Variants in GPHN observed in about 807,000 individuals in gnomAD.
GPHN encodes the protein gephyrin.
A neutral mutation model predicts 95.5 loss-of-function variants in GPHN; 17 were observed. That is an observed-to-expected ratio of 0.18 (90% CI 0.12 to 0.27). The LOEUF (loss-of-function observed/expected upper bound fraction) is 0.27, where lower values mean the gene tolerates loss of function less well. Ranked by LOEUF, GPHN falls within the 10% of genes least tolerant of loss-of-function variation. GPHN has a pLI of 1.00. For missense variants in GPHN, 660 were observed against 978.1 expected, an observed-to-expected ratio of 0.67 and a Z score of 4.34; for synonymous variants, 320 against 322.5, an observed-to-expected ratio of 0.99 and a Z score of 0.08.
intron 4 of GPHN, among the ~76,000 whole-genome samples, chr14:66,826,727 A>T (rs1312497956): frequency 6.6e-6 from 1 of 152,186 alleles, no homozygotes; most frequent in East Asian, 1.9e-4. Flanking sequence ...GGCAAGGTAT[A>T]GGGGCAAGGA....
the GPHN span, among the ~76,000 whole-genome samples, chr14:67,407,454 T>C: frequency 5.9e-5 from 9 of 151,486 alleles, no homozygotes; most frequent in East Asian, 1.8e-3. Flanking sequence ...AAAAAAAATG[T>C]TTTTGAGGCA....
intron 21 of GPHN, among the ~76,000 whole-genome samples, chr14:67,173,742 A>G (rs1398648749): frequency 6.6e-6 from 1 of 152,232 alleles, no homozygotes; most frequent in Non-Finnish European, 1.5e-5. Flanking sequence ...TGGAAAATAA[A>G]TGCAAAGTAA....
At chr14:67,420,718 C>T in the GPHN span, among the ~76,000 whole-genome samples, 1 of 152,264 alleles carries the variant, frequency 6.6e-6, no homozygotes, top group African/African-American at 2.4e-5. Flanking sequence ...TTCTGACCAC[C>T]TGTGGGGCAC....
At chr14:67,734,153 G>A in the GPHN span, 1 of 332,992 alleles carries the variant, frequency 3.0e-6, no homozygotes, top group Non-Finnish European at 5.9e-6. Context: ...AAGAGCCCGA[G>A]AAATTGGGTC....
At chr14:66,707,913 C>T (rs911801709) in intron 2 of GPHN, among the ~76,000 whole-genome samples, 1 of 152,096 alleles carries the variant, frequency 6.6e-6, no homozygotes, top group African/African-American at 2.4e-5. Context: ...AAACATTTAT[C>T]ATTTCTGTGT....
chr14:67,159,856 C>G (rs1285105801), intron 19 of GPHN, among the ~76,000 whole-genome samples: 3 of 152,098 alleles, frequency 2.0e-5, no homozygotes, highest in Non-Finnish European at 4.4e-5. Context: ...AACGAACCCC[C>G]ACCCCACCCT....
At chr14:67,596,093 T>C in the GPHN span, among the ~76,000 whole-genome samples, 5 of 152,136 alleles carry the variant, frequency 3.3e-5, no homozygotes, top group African/African-American at 1.2e-4. Flanking sequence ...TGTGTTTCTT[T>C]CATGTGGCAT....
chr14:66,826,653 T>C (rs1313057379), intron 4 of GPHN, among the ~76,000 whole-genome samples: 2 of 152,284 alleles, frequency 1.3e-5, no homozygotes, highest in Middle Eastern at 6.8e-3. Context: ...AACACTTTAC[T>C]TATGCTTACC....
At chr14:66,712,156 G>A (rs2069701079) in intron 2 of GPHN, among the ~76,000 whole-genome samples, 1 of 152,112 alleles carries the variant, frequency 6.6e-6, no homozygotes, top group Non-Finnish European at 1.5e-5. Flanking sequence ...GATCCTTGAG[G>A]AATCGCCACA....
intron 9 of GPHN, among the ~76,000 whole-genome samples, chr14:66,991,215 T>G (rs1236680475): frequency 6.6e-6 from 1 of 152,138 alleles, no homozygotes; most frequent in East Asian, 1.9e-4. Flanking sequence ...TTTTGAACTT[T>G]AAGTGCGTTT....
the GPHN span, among the ~76,000 whole-genome samples, chr14:67,195,434 A>T: frequency 6.6e-6 from 1 of 152,146 alleles, no homozygotes; most frequent in African/African-American, 2.4e-5. Flanking sequence ...AAATGACAGC[A>T]GTGGAAAGGG....
At chr14:67,656,620 C>G in the GPHN span, 1 of 1,576,522 alleles carries the variant, frequency 6.3e-7, no homozygotes, top group Non-Finnish European at 8.6e-7. Context: ...AAATGTTAGA[C>G]TTTTTCCATT....
the GPHN span, among the ~76,000 whole-genome samples, chr14:67,443,568 A>G: frequency 6.6e-6 from 1 of 152,012 alleles, no homozygotes; most frequent in African/African-American, 2.4e-5. Context: ...GGCATAGGAT[A>G]GACATTTAGG....
the GPHN span, among the ~76,000 whole-genome samples, chr14:67,582,970 A>G: frequency 1.3e-5 from 2 of 152,226 alleles, no homozygotes; most frequent in Non-Finnish European, 2.9e-5. The surrounding 1 kb of genome is among the most constrained non-coding windows in gnomAD (Gnocchi z 5.0). Context: ...CCTTCTAAGT[A>G]GACTTAGGAA....
At chr14:67,500,665 A>G in the GPHN span, among the ~76,000 whole-genome samples, 55 of 145,412 alleles carry the variant, frequency 3.8e-4, no homozygotes, top group African/African-American at 1.3e-3. Context: ...TCCACCTCCC[A>G]GGTTCATGCC....
At chr14:66,645,709 A>T (rs560327124) in intron 1 of GPHN, among the ~76,000 whole-genome samples, 2 of 151,326 alleles carry the variant, frequency 1.3e-5, no homozygotes, top group African/African-American at 4.8e-5. Context: ...AAAAAAAAGA[A>T]AATTTTTTTT....
intron 16 of GPHN, among the ~76,000 whole-genome samples, chr14:67,120,338 G>C (rs1238003286): frequency 6.6e-6 from 1 of 152,138 alleles, no homozygotes; most frequent in Non-Finnish European, 1.5e-5. Flanking sequence ...AGGAAAAATT[G>C]TGAGTTTATT....
rs980612411 is a variant in GPHN at position 66,815,367 on chromosome 14, GATTCT to G, written c.202-9106_202-9102del. Reference sequence around the variant, plus strand: ...GATCATCCCCAAAACGTAATCATCAGATTCTCCCAAGTAAAAATGAAAGAAAACAT... The same window carrying G: ...GATCATCCCCAAAACGTAATCATCAGCCCAAGTAAAAATGAAAGAAAACAT... On this transcript the variant is annotated intron_variant, in intron 3 of 22. Transcript: ENST00000478722. 2.2e-4 allele frequency among the ~76,000 whole-genome samples: 34 copies of G among 152,254 alleles called. 1 individual carries two copies. Among genetic ancestry groups the G allele is most frequent in the Admixed American group, 2.2e-3 (34 of 15,294 alleles).
chr14:67,732,167 C>T, the GPHN span, among the ~76,000 whole-genome samples: 4 of 146,332 alleles, frequency 2.7e-5, no homozygotes, highest in Non-Finnish European at 4.5e-5. Context: ...CTGGGTGTGG[C>T]GGCTCATGCC....
Sources: allele counts gnomAD v4.1 joint callset (sites outside exome capture counted in the v4.1 genomes callset), GRCh38; gene constraint gnomAD v4.1.1; non-coding constraint Gnocchi (gnomAD v3.1); transcripts MANE v1.5; gene names NCBI Gene and HGNC (gene_info 2026-07-23, HGNC 2026-07-21).